PCDHGB1: variants seen among roughly 807,000 people sequenced by gnomAD.
The protein encoded by PCDHGB1 is protocadherin gamma-B1.
Under a neutral mutation model 56.6 loss-of-function variants are expected in PCDHGB1, and 34 were observed. That is an observed-to-expected ratio of 0.60 (90% CI 0.46 to 0.80). PCDHGB1 has a LOEUF of 0.80. PCDHGB1 is among the 30% of genes least tolerant of loss of function. The pLI is 0.00. For synonymous variants in PCDHGB1, 561 were observed against 505.9 expected (o/e 1.11, Z -1.46); for missense variants, 1,278 against 1,204.6 (o/e 1.06, Z -0.90).
At chr5:141,393,082 TAGATCGGG>T in intron 1 of PCDHGB1, 1 of 1,613,652 alleles carries the variant, frequency 6.2e-7, no homozygotes, top group Non-Finnish European at 8.5e-7. Flanking sequence ...GCGGGCAGGA[TAGATCGGG>T]AGGAGCTCTG....
Position 141,477,376 on chromosome 5 carries a change from G to A in PCDHGB1, c.2410-17431G>A. The A allele has an allele frequency of 6.2e-7, 1 of 1,614,146 alleles. No homozygotes were observed. Among genetic ancestry groups the A allele is most frequent in the Non-Finnish European group, 8.5e-7 (1 of 1,180,026 alleles). ...GTGCAGACCTGGATCGGGAGACTGT[G>A]CCAGAATACAACCTCAGCATCACCG... On this transcript the variant is annotated intron_variant, in intron 1 of 3. Transcript: ENST00000523390. This position sits in a 1 kb window ranked among gnomAD's most constrained non-coding sequence, Gnocchi z 4.9.
intron 1 of PCDHGB1, chr5:141,408,704 A>G: frequency 1.2e-6 from 2 of 1,613,236 alleles, no homozygotes; most frequent in Non-Finnish European, 1.7e-6. Context: ...AAACTCAATT[A>G]AAGATTATAA....
At chr5:141,374,003 C>A in intron 1 of PCDHGB1, 1 of 1,320,442 alleles carries the variant, frequency 7.6e-7, no homozygotes. Context: ...GGACCTTCAC[C>A]GCTATTTCTG....
Position 141,486,814 on chromosome 5 carries a change from C to T in PCDHGB1, c.2410-7993C>T, listed in dbSNP as rs1048351154. On this transcript the variant is annotated intron_variant, in intron 1 of 3. Transcript: ENST00000523390. The surrounding 1 kb of genome is among the most constrained non-coding windows in gnomAD (Gnocchi z 5.0). ...ATCGGGGCAACCCACCCCTTAGCAG[C>T]ACTGTAACAGTTCGTCTATTTGTGC... 1.2e-6 allele frequency: 2 copies of T among 1,614,122 alleles called. No individual in the cohort carries two copies. Among genetic ancestry groups the T allele is most frequent in the Non-Finnish European group, 1.7e-6 (2 of 1,180,052 alleles).
chr5:141,393,708 G>A, intron 1 of PCDHGB1: 2 of 1,613,788 alleles, frequency 1.2e-6, no homozygotes, highest in South Asian at 1.1e-5. Context: ...TGAAAATACT[G>A]GGGAAATATC....
rs1554116817 is a variant in PCDHGB1 at position 141,423,755 on chromosome 5, G to GGC, written c.2410-71051_2410-71050insCG. 3 of 512,420 alleles carry GGC rather than the reference G, an allele frequency of 5.9e-6. No individual in the cohort carries two copies. The African/African-American group carries it at 8.1e-5, about 14-fold the overall frequency. 31.7% of individuals were successfully genotyped at this position (512,420 alleles called of 1,614,324 possible). A position where few individuals can be genotyped will look rare whatever the true frequency, so the allele number is the denominator to read the frequency against. On this transcript the variant is annotated intron_variant, in intron 1 of 3. Coordinates refer to ENST00000523390, the MANE Select transcript of PCDHGB1 (RefSeq NM_018922.3). ...AGCCTGTTATGAAAACTGTTTGGGGGGGGGGTGGGGCGGCATATATTTAGT... is the reference window on the plus strand; with the variant it reads ...AGCCTGTTATGAAAACTGTTTGGGGGGCGGGGGTGGGGCGGCATATATTTAGT...
intron 1 of PCDHGB1, among the ~76,000 whole-genome samples, chr5:141,435,790 A>G (rs1336963117): frequency 2.0e-5 from 3 of 152,168 alleles, no homozygotes; most frequent in African/African-American, 7.2e-5. Flanking sequence ...GCAGGGAAAC[A>G]TAACGTCCCA....
At chr5:141,355,289 A>G (rs1759786775) in intron 1 of PCDHGB1, 1 of 1,613,744 alleles carries the variant, frequency 6.2e-7, no homozygotes. Context: ...AGGGCCGAAC[A>G]GATTCTCTAC....
At chr5:141,371,954 C>A in intron 1 of PCDHGB1, 1 of 1,613,274 alleles carries the variant, frequency 6.2e-7, no homozygotes, top group Non-Finnish European at 8.5e-7. Flanking sequence ...AGCGAGCCTT[C>A]GACCACGAGC....
At chr5:141,447,371 C>G (rs1180989888) in intron 1 of PCDHGB1, among the ~76,000 whole-genome samples, 1 of 151,826 alleles carries the variant, frequency 6.6e-6, no homozygotes, top group African/African-American at 2.4e-5. Context: ...ACTCCTGACC[C>G]TGGTGATCTG....
In PCDHGB1 at chr5:141,486,836, G is replaced by C; in HGVS notation, c.2410-7971G>C. On this transcript the variant is annotated intron_variant, in intron 1 of 3. Coordinates refer to ENST00000523390, the MANE Select transcript of PCDHGB1 (RefSeq NM_018922.3). This position sits in a 1 kb window ranked among gnomAD's most constrained non-coding sequence, Gnocchi z 5.0. ...CAGCACTGTAACAGTTCGTCTATTT[G>C]TGCTGGACCTCAATGACAATGCTCC... 1 of 1,614,242 alleles carries C rather than the reference G, an allele frequency of 6.2e-7. No individual in the cohort carries two copies. The highest frequency in any genetic ancestry group is 8.5e-7 in the Non-Finnish European group (1 of 1,180,046).
At chr5:141,453,807 A>G (rs752553367) in intron 1 of PCDHGB1, among the ~76,000 whole-genome samples, 3 of 152,250 alleles carry the variant, frequency 2.0e-5, no homozygotes, top group Non-Finnish European at 4.4e-5. Flanking sequence ...GAGTAGTTCC[A>G]TAAAGGACAA....
At chr5:141,502,880 T>TTTTTTTTTTG (rs2099816747) in intron 2 of PCDHGB1, among the ~76,000 whole-genome samples, 1 of 151,000 alleles carries the variant, frequency 6.6e-6, no homozygotes, top group African/African-American at 2.4e-5. Context: ...TTTTTTTTTT[T>TTTTTTTTTTG]GACAGGGAGT....
chr5:141,383,755 C>T, intron 1 of PCDHGB1: 1 of 1,613,958 alleles, frequency 6.2e-7, no homozygotes, highest in Non-Finnish European at 8.5e-7. Context: ...GAAAATAACT[C>T]CTAAACTTCC....
At chr5:141,403,218 G>A in intron 1 of PCDHGB1, 1 of 1,613,968 alleles carries the variant, frequency 6.2e-7, no homozygotes. Flanking sequence ...ACCGCGGGTA[G>A]GATAGACCGG....
chr5:141,417,919 G>C, intron 1 of PCDHGB1: 1 of 1,605,944 alleles, frequency 6.2e-7, no homozygotes, highest in Non-Finnish European at 8.5e-7. Flanking sequence ...TATTTCCTTT[G>C]CTGCTGCCTT....
At position 141,372,017 on chromosome 5, in the gene PCDHGB1, G is replaced by A. The variant is rs1404745183; in HGVS notation, c.2409+19348G>A. Reference sequence around the variant, plus strand: ...AGGCCCGCGACCAGGGCTCGCCTACGCTCAGCGCCAACGTGAGCCTGCGCG... The same window carrying A: ...AGGCCCGCGACCAGGGCTCGCCTACACTCAGCGCCAACGTGAGCCTGCGCG... On this transcript the variant is annotated intron_variant, in intron 1 of 3. Coordinates refer to ENST00000523390, the MANE Select transcript of PCDHGB1 (RefSeq NM_018922.3). The A allele has an allele frequency of 4.3e-6, 7 of 1,613,220 alleles. No homozygotes were observed. The African/African-American group carries it at 9.3e-5, about 22-fold the overall frequency.
At position 141,503,509 on chromosome 5, in the gene PCDHGB1, G is replaced by A. The variant is rs373282648; in HGVS notation, c.2469-1884G>A. ...AGCTGCTCAAGAGGCTGAGGCAGGA[G>A]AATCACTTGAACCTGGGAGGCAGAG... On this transcript the variant is annotated intron_variant, in intron 2 of 3. Transcript: ENST00000523390. Among the ~76,000 whole-genome samples the A allele has an allele frequency of 9.4e-5, 14 of 149,410 alleles. No individual in the cohort carries two copies. The South Asian group carries it at 1.5e-3, about 16-fold the overall frequency.
rs367731612 is a variant in PCDHGB1, at chr5:141,419,406, C to T, written c.2409+66737C>T. The T allele has an allele frequency of 6.5e-5, 105 of 1,613,522 alleles. 1 individual carries two copies. The South Asian group carries it at 1.0e-3, about 16-fold the overall frequency. Reference sequence around the variant, plus strand: ...AGCGCGCAGAGCGGGGTGGTGTTCGCGCAGCGCGCCTTCGACCACGAGCAG... The same window carrying T: ...AGCGCGCAGAGCGGGGTGGTGTTCGTGCAGCGCGCCTTCGACCACGAGCAG... On this transcript the variant is annotated intron_variant, in intron 1 of 3. Transcript: ENST00000523390.
Sources: gnomAD v4.1 joint callset for allele counts (sites outside exome capture counted in the v4.1 genomes callset) on GRCh38, gnomAD v4.1.1 for gene constraint, Gnocchi (gnomAD v3.1) non-coding constraint, MANE v1.5 for transcripts, NCBI Gene and HGNC (gene_info 2026-07-23, HGNC 2026-07-21) for gene names.